SENP5: variants seen among roughly 807,000 people sequenced by gnomAD.
SENP5 encodes the protein SUMO specific peptidase 5, also known as sentrin-specific protease 5.
Under a neutral mutation model 74.2 loss-of-function variants are expected in SENP5, and 21 were observed. The ratio of observed to expected loss-of-function variants is 0.28; its 90% CI spans 0.20 to 0.41. The LOEUF is 0.41. Ranked by LOEUF, SENP5 falls within the 10% of genes least tolerant of loss-of-function variation. The pLI is 1.00. For missense variants in SENP5, 717 were observed against 889.1 expected, an observed-to-expected ratio of 0.81 and a Z score of 2.46; for synonymous variants, 311 against 312.7, an observed-to-expected ratio of 0.99 and a Z score of 0.06.
Position 196,886,262 on chromosome 3 carries a change from T to C in SENP5, c.1081T>C (p.Cys361Arg), listed in dbSNP as rs776256646. Residue 361 changes from cysteine to arginine, a missense_variant, in exon 2 of 10, where the codon TGT becomes CGT. Physicochemically the swap from Cys to Arg is radical, Grantham distance 180 (BLOSUM62 -3). Transcript: ENST00000323460. The stretch of plus-strand genomic sequence containing the variant: ...CACAAACGCCTGGGACCAGTCATCC[T>C]GTTCTTCTCCTAAGTGGGAGTGTAC... The part of the protein sequence containing the change: ...SATNAWDQSS[C>R]SSPKWECTEL... 1 of 1,614,200 alleles carries C rather than the reference T, an allele frequency of 6.2e-7. No individual in the cohort carries two copies. Among genetic ancestry groups the C allele is most frequent in the Admixed American group, 1.7e-5 (1 of 60,012 alleles).
At chr3:196,874,605 T>C (rs552562642) in intron 1 of SENP5, among the ~76,000 whole-genome samples, 1 of 152,096 alleles carries the variant, frequency 6.6e-6, no homozygotes, top group Admixed American at 6.6e-5. Context: ...AATCCTGGAG[T>C]TCCAGCTGGG....
chr3:196,915,513 A>T (rs1272965738), intron 6 of SENP5, among the ~76,000 whole-genome samples: 1 of 152,200 alleles, frequency 6.6e-6, no homozygotes, highest in East Asian at 1.9e-4. Flanking sequence ...GTCTTGGAAG[A>T]ATTTACCACC....
intron 1 of SENP5, among the ~76,000 whole-genome samples, chr3:196,881,059 A>G (rs1244400208): frequency 6.6e-6 from 1 of 151,852 alleles, no homozygotes; most frequent in Non-Finnish European, 1.5e-5. Flanking sequence ...TGATCCACCC[A>G]CCTCAGCCTT....
At chr3:196,921,066 T>G (rs1277029195) in intron 6 of SENP5, among the ~76,000 whole-genome samples, 1 of 152,214 alleles carries the variant, frequency 6.6e-6, no homozygotes, top group East Asian at 1.9e-4. Flanking sequence ...TAAATATCCC[T>G]TATTCAAAAT....
intron 6 of SENP5, chr3:196,914,586 A>AAAAAAAAAATATATATATATATATAT: frequency 3.0e-4 from 10 of 33,472 alleles, no homozygotes; most frequent in Non-Finnish European, 4.0e-4. Context: ...AAAAAAAAAA[A>AAAAAAAAAATATATATATATATATAT]ATATATATAT....
intron 1 of SENP5, among the ~76,000 whole-genome samples, chr3:196,878,747 A>G (rs1048046549): frequency 1.6e-4 from 25 of 152,028 alleles, no homozygotes; most frequent in Non-Finnish European, 3.2e-4. Context: ...GCCCGCCACC[A>G]TGTCTGGCTC....
chr3:196,903,717 G>A (rs1256621283), intron 6 of SENP5, 107 bp downstream of exon 6: 3 of 614,450 alleles, frequency 4.9e-6, no homozygotes, highest in Middle Eastern at 4.6e-4. Context: ...AGTAGAAACA[G>A]ACTTTTTAAT....
intron 6 of SENP5, chr3:196,905,326 G>T (rs1714858439): frequency 6.6e-6 from 1 of 152,220 alleles, no homozygotes; most frequent in Non-Finnish European, 1.5e-5. Context: ...AAGCAGTTCT[G>T]CAGCGACCAC....
intron 2 of SENP5, among the ~76,000 whole-genome samples, chr3:196,893,796 G>C (rs1339465015): frequency 1.3e-5 from 2 of 151,914 alleles, no homozygotes; most frequent in African/African-American, 2.4e-5. Context: ...TGTAGTCCCA[G>C]CTACTTGGGA....
intron 1 of SENP5, among the ~76,000 whole-genome samples, chr3:196,882,928 ATTTT>A (rs10576427): frequency 2.8e-5 from 4 of 144,560 alleles, no homozygotes; most frequent in Non-Finnish European, 3.0e-5. Context: ...ATCTTTATGG[ATTTT>A]TTTTTTTTTT....
chr3:196,921,004 G>A (rs1022273817), intron 6 of SENP5, among the ~76,000 whole-genome samples: 1 of 152,166 alleles, frequency 6.6e-6, no homozygotes, highest in African/African-American at 2.4e-5. Context: ...CAAATAATTG[G>A]GGTCAGTGAT....
chr3:196,904,786 G>T (rs1243084220), intron 6 of SENP5, among the ~76,000 whole-genome samples: 2 of 151,994 alleles, frequency 1.3e-5, no homozygotes, highest in Non-Finnish European at 2.9e-5. Flanking sequence ...GAGACTCCAT[G>T]TCAAAAGAAA....
intron 2 of SENP5, among the ~76,000 whole-genome samples, chr3:196,896,021 C>T (rs1400216271): frequency 1.3e-5 from 2 of 152,062 alleles, no homozygotes; most frequent in South Asian, 2.1e-4. Flanking sequence ...TTGCATTTTT[C>T]CTTTTTTAGT....
At chr3:196,873,343 GAT>G (rs1391158027) in intron 1 of SENP5, among the ~76,000 whole-genome samples, 5 of 151,626 alleles carry the variant, frequency 3.3e-5, no homozygotes, top group Non-Finnish European at 7.4e-5. Context: ...AAAGTGCTGG[GAT>G]TACAGGCGTG....
chr3:196,885,199 A>T lies in SENP5; in HGVS notation c.18A>T (p.Lys6Asn). 3 of 1,610,436 alleles carry T rather than the reference A, an allele frequency of 1.9e-6. No individual in the cohort carries two copies. The highest frequency in any genetic ancestry group is 2.5e-6 in the Non-Finnish European group (3 of 1,178,852). ...TCAGAAAAATGAAAAAACAGAGGAA[A>T]ATTCTATGGAGGAAAGGAATCCACT... MKKQR[K>N]ILWRKGIHLA... Residue 6 changes from lysine (K) to asparagine (N), a missense_variant, in exon 2 of 10, where the codon AAA becomes AAT. Physicochemically the swap from Lys to Asn is moderately conservative, Grantham distance 94. This residue lies in a region of SENP5 where 567 missense variants were observed against 577.4 expected (regional missense o/e 0.98). Coordinates refer to ENST00000323460, the MANE Select transcript of SENP5 (RefSeq NM_152699.5).
intron 2 of SENP5, among the ~76,000 whole-genome samples, chr3:196,889,906 T>G (rs920152358): frequency 1.3e-5 from 2 of 152,130 alleles, no homozygotes; most frequent in Non-Finnish European, 2.9e-5. Context: ...GACTGAGTAG[T>G]TGGGGAATCT....
intron 2 of SENP5, among the ~76,000 whole-genome samples, chr3:196,894,480 A>G (rs573883239): frequency 1.3e-5 from 2 of 151,368 alleles, no homozygotes; most frequent in South Asian, 4.2e-4. Context: ...TCCTTACCTC[A>G]TTCTTTACAC....
intron 6 of SENP5, among the ~76,000 whole-genome samples, chr3:196,909,671 T>G (rs1715042849): frequency 6.6e-6 from 1 of 152,226 alleles, no homozygotes; most frequent in Non-Finnish European, 1.5e-5. Context: ...CACATGATTA[T>G]TTCAGTAGAT....
intron 6 of SENP5, among the ~76,000 whole-genome samples, 165 bp downstream of exon 6, chr3:196,903,775 C>A (rs34947136): frequency 0.19 from 28,158 of 152,200 alleles, 3,436 homozygotes; most frequent in Non-Finnish European, 0.24. Context: ...GTTTGAAAGA[C>A]CTTAATTGCC....
Sources: allele counts gnomAD v4.1 joint callset (sites outside exome capture counted in the v4.1 genomes callset), GRCh38; gene constraint gnomAD v4.1.1; regional missense constraint gnomAD v4.1.1; transcripts MANE v1.5; gene names NCBI Gene and HGNC (gene_info 2026-07-23, HGNC 2026-07-21).